Variants in NCOR1 observed in about 807,000 individuals in gnomAD.
The protein encoded by NCOR1 is nuclear receptor corepressor 1, also known as protein phosphatase 1, regulatory subunit 109.
In NCOR1, 63 loss-of-function variants were observed where a neutral mutation model predicts 288.1. That is an observed-to-expected ratio of 0.22 (90% CI 0.18 to 0.27). The LOEUF (loss-of-function observed/expected upper bound fraction) is 0.27, where lower values mean the gene tolerates loss of function less well. Ranked by LOEUF, NCOR1 falls within the 10% of genes least tolerant of loss-of-function variation. NCOR1 has a pLI of 1.00. For missense variants in NCOR1, 2,397 were observed against 3,019.2 expected (o/e 0.79, Z 4.83); for synonymous variants, 1,007 against 1,065.9 (o/e 0.94, Z 1.08).
intron 2 of NCOR1, among the ~76,000 whole-genome samples, chr17:16,193,598 G>A (rs937194661): frequency 2.0e-5 from 3 of 152,070 alleles, no homozygotes; most frequent in Admixed American, 1.3e-4. Context: ...AATAACACTG[G>A]GGTAGGGGGA....
intron 19 of NCOR1, among the ~76,000 whole-genome samples, chr17:16,104,617 A>T (rs997653479): frequency 6.6e-6 from 1 of 152,140 alleles, no homozygotes; most frequent in Non-Finnish European, 1.5e-5. Context: ...CAAAAAAATT[A>T]AAAAATTAGC....
rs1325864679 is a variant in NCOR1 at position 16,046,963 on chromosome 17, C to T, written c.6667G>A (p.Asp2223Asn). The change falls in exon 42 of 46, where the codon GAC becomes AAC. Residue 2223 changes from aspartate to asparagine, a missense_variant. Asp to Asn is a conservative substitution (Grantham distance 23). Transcript: ENST00000268712. Reference sequence around the variant, plus strand: ...AAATCCCACTTACCCATATCAGAGTCACCTCCACCAGAGGAGTTCAACTTA... The same window carrying T: ...AAATCCCACTTACCCATATCAGAGTTACCTCCACCAGAGGAGTTCAACTTA... ...FRKLNSSGGG[D>N]SDMAAAQPGT... 4 of 1,613,726 alleles carry T rather than the reference C, an allele frequency of 2.5e-6. No individual in the cohort carries two copies. Among genetic ancestry groups the T allele is most frequent in the Non-Finnish European group, 2.5e-6 (3 of 1,179,914 alleles).
rs1314258503 is a variant in NCOR1, at chr17:16,127,322, TATGTATGTATATATAC to T, written c.1510-1132_1510-1117del. 1.6e-5 allele frequency among the ~76,000 whole-genome samples: 2 copies of T among 125,936 alleles called. 1 individual carries two copies. The highest frequency in any genetic ancestry group is 4.1e-4 in the East Asian group (2 of 4,898). The allele number at this position is 125,936 out of a possible 152,430, so 82.6% of individuals were successfully genotyped here. ...GTATGTATATATACATGTATGTATA[TATGTATGTATATATAC>T]ATGTATGTATATATGTATGTATATA... is the stretch of plus-strand genomic sequence containing the variant. On this transcript the variant is annotated intron_variant, in intron 14 of 45. Transcript: ENST00000268712.
rs181528736 is a variant in NCOR1 at position 16,142,633 on chromosome 17, T to C, written c.1173+973A>G. Among the ~76,000 whole-genome samples the C allele has an allele frequency of 4.9e-4, 75 of 152,178 alleles. 1 individual carries two copies. The East Asian group carries it at 0.013, about 25-fold the overall frequency. ...ACTCAAAGATAGCCTGACCCAAAGG[T>C]TTAAAATAACCGCACTCATGAAGAT... On this transcript the variant is annotated intron_variant, in intron 11 of 45. Coordinates refer to ENST00000268712, the MANE Select transcript of NCOR1 (RefSeq NM_006311.4).
chr17:16,199,363 A>T (rs1483514380), intron 1 of NCOR1, among the ~76,000 whole-genome samples: 1 of 152,090 alleles, frequency 6.6e-6, no homozygotes, highest in Admixed American at 6.6e-5. Flanking sequence ...CTCAAAACTT[A>T]TCCATGAGAT....
chr17:16,044,625 CCT>C, intron 42 of NCOR1: 1 of 612,610 alleles, frequency 1.6e-6, no homozygotes, highest in African/African-American at 1.8e-5. Context: ...CATACCATGT[CCT>C]CTGTCTCCGA....
At chr17:16,106,309 A>G (rs2068611607) in intron 19 of NCOR1, among the ~76,000 whole-genome samples, 1 of 152,196 alleles carries the variant, frequency 6.6e-6, no homozygotes, top group African/African-American at 2.4e-5. Flanking sequence ...ACAGCAGATG[A>G]TATCATTTGA....
chr17:16,130,498 C>T (rs2075426574), intron 14 of NCOR1, among the ~76,000 whole-genome samples: 1 of 152,100 alleles, frequency 6.6e-6, no homozygotes, highest in African/African-American at 2.4e-5. Flanking sequence ...CCTTTTCTCC[C>T]CTTCTTTAAA....
intron 14 of NCOR1, among the ~76,000 whole-genome samples, chr17:16,132,488 T>C (rs189294643): frequency 2.6e-5 from 4 of 152,198 alleles, no homozygotes; most frequent in Admixed American, 1.3e-4. Flanking sequence ...ATCTCCAATA[T>C]GTATTCATTA....
intron 15 of NCOR1, among the ~76,000 whole-genome samples, chr17:16,125,361 T>G (rs777145397): frequency 2.1e-4 from 30 of 146,116 alleles, no homozygotes; most frequent in Non-Finnish European, 2.4e-4. Flanking sequence ...AGGCTCTGTC[T>G]CGAAAATAAA....
In NCOR1 at chr17:16,058,038, G is replaced by A. The variant is rs2060126570; in HGVS notation, c.6037C>T (p.Pro2013Ser). The A allele has an allele frequency of 6.2e-7, 1 of 1,614,116 alleles. No homozygotes were observed. Among genetic ancestry groups the A allele is most frequent in the Non-Finnish European group, 8.5e-7 (1 of 1,180,018 alleles). The change falls in exon 39 of 46, where the codon CCA (proline) becomes TCA (serine). Residue 2013 changes from proline (P) to serine (S), a missense_variant. Pro to Ser is a moderately conservative substitution (Grantham distance 74). Coordinates refer to ENST00000268712, the MANE Select transcript of NCOR1 (RefSeq NM_006311.4). ...TGCTGTGGTCGATAGTGATGTAATGGTCCTTCATATTGTCTGGTAGGATCA... is the reference window on the plus strand; with the variant it reads ...TGCTGTGGTCGATAGTGATGTAATGATCCTTCATATTGTCTGGTAGGATCA... The part of the protein sequence containing the change: ...ENDPTRQYEG[P>S]LHHYRPQQES...
intron 1 of NCOR1, among the ~76,000 whole-genome samples, chr17:16,211,263 A>AT (rs34875420): frequency 5.6e-4 from 83 of 147,654 alleles, no homozygotes; most frequent in East Asian, 2.0e-3. Context: ...ATTTTTATTT[A>AT]TTTTTTTTTT....
At chr17:16,033,704 C>T (rs1973062531) in intron 45 of NCOR1, among the ~76,000 whole-genome samples, 1 of 152,098 alleles carries the variant, frequency 6.6e-6, no homozygotes, top group African/African-American at 2.4e-5. Context: ...TTATTACATA[C>T]ATTAAGTTTA....
chr17:16,058,338 A>C (rs2060163812), intron 38 of NCOR1, 133 bp downstream of exon 38: 3 of 1,186,562 alleles, frequency 2.5e-6, no homozygotes, highest in Non-Finnish European at 3.5e-6. Flanking sequence ...TGCTGTTTCT[A>C]AAGAAGGCTC....
intron 6 of NCOR1, 80 bp from the exon 7 acceptor site, chr17:16,153,475 T>C: frequency 1.1e-6 from 1 of 935,522 alleles, no homozygotes; most frequent in Non-Finnish European, 1.6e-6. Flanking sequence ...GAAATATTTA[T>C]CTAAGACTAA....
intron 40 of NCOR1, among the ~76,000 whole-genome samples, chr17:16,056,344 G>A (rs1193919113): frequency 2.5e-5 from 3 of 121,008 alleles, no homozygotes; most frequent in East Asian, 4.8e-4. Context: ...ACGGAGTCTC[G>A]CTCTGTCGCC....
At chr17:16,206,269 T>C (rs1033985978) in intron 1 of NCOR1, among the ~76,000 whole-genome samples, 4 of 150,620 alleles carry the variant, frequency 2.7e-5, no homozygotes, top group African/African-American at 7.3e-5. Flanking sequence ...AAAATGCATA[T>C]ACATATGTAC....
intron 42 of NCOR1, among the ~76,000 whole-genome samples, chr17:16,042,019 CCA>C (rs555796167): frequency 2.0e-4 from 30 of 152,300 alleles, no homozygotes; most frequent in African/African-American, 7.0e-4. Context: ...CAGGTGTGAG[CCA>C]CCGTGCCCGG....
chr17:16,151,754 C>T (rs1035295252), intron 8 of NCOR1, 192 bp downstream of exon 8: 4 of 1,031,894 alleles, frequency 3.9e-6, no homozygotes, highest in South Asian at 1.5e-5. Flanking sequence ...TTTTTGGCCT[C>T]GGAAACTCAA....
Sources: allele counts gnomAD v4.1 joint callset (sites outside exome capture counted in the v4.1 genomes callset), GRCh38; gene constraint gnomAD v4.1.1; transcripts MANE v1.5; gene names NCBI Gene and HGNC (gene_info 2026-07-23, HGNC 2026-07-21).